FCHO2: variants seen among roughly 807,000 people sequenced by gnomAD.
FCHO2 encodes the protein FCH and mu domain containing endocytic adaptor 2.
In FCHO2, 43 loss-of-function variants were observed where a neutral mutation model predicts 114.1. The ratio of observed to expected loss-of-function variants is 0.38; its 90% confidence interval spans 0.30 to 0.49. FCHO2 has a LOEUF of 0.49. Among genes scored for constraint, FCHO2 ranks in the 20% least tolerant of loss-of-function variants. FCHO2 has a pLI of 0.97. For missense variants in FCHO2, 807 were observed against 950.4 expected (o/e 0.85, Z 1.98); for synonymous variants, 293 against 315.2 (o/e 0.93, Z 0.75).
At chr5:72,962,842 G>A (rs1751946880) in intron 1 of FCHO2, among the ~76,000 whole-genome samples, 1 of 151,692 alleles carries the variant, frequency 6.6e-6, no homozygotes, top group African/African-American at 2.4e-5. Context: ...GTAGTGAGCC[G>A]AGATCACGCC....
chr5:73,054,216 A>G, intron 14 of FCHO2, 45 bp downstream of exon 14: 1 of 1,451,556 alleles, frequency 6.9e-7, no homozygotes. Context: ...TTTTAAAATC[A>G]TTGTAATTTT....
intron 24 of FCHO2, among the ~76,000 whole-genome samples, chr5:73,084,111 A>G (rs1313459585): frequency 2.0e-5 from 3 of 152,200 alleles, no homozygotes; most frequent in African/African-American, 7.2e-5. Context: ...CTATAACTCA[A>G]CTTACAATAA....
Position 72,990,785 on chromosome 5 carries a change from C to G in FCHO2, c.416C>G (p.Ser139Cys), listed in dbSNP as rs1175990883. ...IQSITQALQKSKENYNAKCVE... is the reference protein window; with the variant it reads ...IQSITQALQKCKENYNAKCVE... ...AGCATAACTCAGGCCCTCCAGAAAT[C>G]CAAGGAAAATTACAATGCCAAGTGT... Residue 139 changes from serine (S) to cysteine (C), a missense_variant, in exon 5 of 26, where the codon TCC becomes TGC. Ser to Cys is a moderately radical substitution (Grantham distance 112). Coordinates refer to ENST00000430046, the MANE Select transcript of FCHO2 (RefSeq NM_138782.3). The G allele has an allele frequency of 6.4e-7, 1 of 1,553,966 alleles. No homozygotes were observed.
chr5:72,956,198 G>A (rs1751521725), intron 1 of FCHO2, 69 bp downstream of exon 1: 16 of 1,488,156 alleles, frequency 1.1e-5, no homozygotes, highest in African/African-American at 1.5e-5. Flanking sequence ...CTTGGCCTGC[G>A]TGCGCTTCGG....
At chr5:73,039,525 A>G (rs1361472634) in intron 10 of FCHO2, among the ~76,000 whole-genome samples, 3 of 152,200 alleles carry the variant, frequency 2.0e-5, no homozygotes, top group South Asian at 4.1e-4. Context: ...TTTCTGGAAC[A>G]TTTCTTCAGA....
intron 22 of FCHO2, 132 bp downstream of exon 22, chr5:73,078,444 ATCTGTTTATAAGCCAGTGGAGATT>A: frequency 1.2e-6 from 1 of 861,984 alleles, no homozygotes; most frequent in South Asian, 1.8e-5. Flanking sequence ...AAATTAGAAA[ATCTGTTTATAAGCCAGTGGAGATT>A]TTGACCAGTT....
At chr5:73,016,919 T>C (rs1435081423) in intron 7 of FCHO2, among the ~76,000 whole-genome samples, 1 of 152,000 alleles carries the variant, frequency 6.6e-6, no homozygotes, top group Admixed American at 6.6e-5. Flanking sequence ...ATTTTTGTTG[T>C]CTGTATAAGT....
intron 11 of FCHO2, 66 bp downstream of exon 11, chr5:73,041,381 C>T (rs1039441557): frequency 1.0e-6 from 1 of 976,516 alleles, no homozygotes; most frequent in Non-Finnish European, 1.6e-6. Context: ...AAACCTAACA[C>T]ATTTGAGTTG....
In FCHO2 at chr5:73,089,160, T is replaced by C. The variant is rs1743405220; in HGVS notation, c.*1070T>C. 6.6e-6 allele frequency: 1 copy of C among 152,534 alleles called. No individual in the cohort carries two copies. 9.4% of individuals were successfully genotyped at this position (152,534 alleles called of 1,614,324 possible). ...TACCTTCAGATACTTGACATTAACC[T>C]CATCAAAAGTGTGTGAATTTTAAAA... On this transcript the variant is annotated 3_prime_UTR_variant, in exon 26 of 26. Coordinates refer to ENST00000430046, the MANE Select transcript of FCHO2 (RefSeq NM_138782.3).
At chr5:73,049,142 C>G (rs1757228171) in intron 11 of FCHO2, among the ~76,000 whole-genome samples, 1 of 152,026 alleles carries the variant, frequency 6.6e-6, no homozygotes, top group South Asian at 2.1e-4. Flanking sequence ...TCCCAAAGTG[C>G]TGGGATTACA....
chr5:73,046,189 C>G (rs367720319), intron 11 of FCHO2, among the ~76,000 whole-genome samples: 1 of 152,180 alleles, frequency 6.6e-6, no homozygotes, highest in African/African-American at 2.4e-5. Flanking sequence ...CCTGAGCCTT[C>G]CAAGTAGCTA....
At chr5:73,053,337 G>T (rs1053366162) in intron 13 of FCHO2, among the ~76,000 whole-genome samples, 3 of 152,136 alleles carry the variant, frequency 2.0e-5, no homozygotes, top group African/African-American at 7.2e-5. Flanking sequence ...TCTGAAATGA[G>T]GTTTTATTGT....
chr5:72,962,201 G>A (rs987586625), intron 1 of FCHO2, among the ~76,000 whole-genome samples: 2 of 152,096 alleles, frequency 1.3e-5, no homozygotes, highest in African/African-American at 4.8e-5. Context: ...GTGAAAATTG[G>A]TACTGATTTA....
At chr5:72,968,630 T>C (rs973668387) in intron 2 of FCHO2, 41 bp downstream of exon 2, 1 of 1,343,530 alleles carries the variant, frequency 7.4e-7, no homozygotes, top group Non-Finnish European at 1.0e-6. Context: ...AACAACTTAA[T>C]AGCAATTTAA....
chr5:73,014,707 C>T (rs779653277), intron 6 of FCHO2, among the ~76,000 whole-genome samples: 1 of 152,056 alleles, frequency 6.6e-6, no homozygotes, highest in Non-Finnish European at 1.5e-5. Context: ...GTTTTTAAAA[C>T]TCTTTGTTTT....
chr5:72,988,384 G>T (rs897036170), intron 2 of FCHO2, among the ~76,000 whole-genome samples: 1 of 152,148 alleles, frequency 6.6e-6, no homozygotes, highest in Non-Finnish European at 1.5e-5. Context: ...GTTGCAGTGA[G>T]CCAAGATTGC....
intron 21 of FCHO2, among the ~76,000 whole-genome samples, chr5:73,077,804 C>T (rs1423560795): frequency 2.0e-5 from 3 of 152,050 alleles, no homozygotes; most frequent in Admixed American, 2.0e-4. Context: ...GAGCCAAGAT[C>T]GTGTCACTGC....
chr5:73,063,828 C>G lies in FCHO2; in HGVS notation c.1346-13C>G. The G allele has an allele frequency of 1.2e-6, 2 of 1,605,498 alleles. No individual in the cohort carries two copies. Among genetic ancestry groups the G allele is most frequent in the Non-Finnish European group, 1.7e-6 (2 of 1,174,454 alleles). Reference sequence around the variant, plus strand: ...AATGATTTTCTTCAAATTCTCTTTTCCCCCTCAACCAGCCAGGCCCACAAC... The same window carrying G: ...AATGATTTTCTTCAAATTCTCTTTTGCCCCTCAACCAGCCAGGCCCACAAC... On this transcript the variant is annotated splice_polypyrimidine_tract_variant and intron_variant, in intron 17 of 25. Transcript: ENST00000430046.
chr5:72,978,244 G>A (rs536002706), intron 2 of FCHO2, among the ~76,000 whole-genome samples: 1 of 152,298 alleles, frequency 6.6e-6, no homozygotes, highest in East Asian at 1.9e-4. Context: ...GCATGAGCAT[G>A]GAATGTTTTT....
Sources: gnomAD v4.1 joint callset for allele counts (sites outside exome capture counted in the v4.1 genomes callset) on GRCh38, gnomAD v4.1.1 for gene constraint, MANE v1.5 for transcripts, NCBI Gene and HGNC (gene_info 2026-07-23, HGNC 2026-07-21) for gene names.